Variants in ZNF777 observed in about 807,000 individuals in gnomAD.
ZNF777 encodes zinc finger protein 777.
Under a neutral mutation model 72.1 loss-of-function variants are expected in ZNF777, and 7 were observed. The ratio of observed to expected loss-of-function variants is 0.10; its 90% confidence interval spans 0.06 to 0.18. The LOEUF is 0.18. Among genes scored for constraint, ZNF777 ranks in the 10% least tolerant of loss-of-function variants. ZNF777 has a pLI of 1.00. For missense variants in ZNF777, 828 were observed against 1,128.6 expected, an observed-to-expected ratio of 0.73 and a Z score of 3.82; for synonymous variants, 545 against 483.5, an observed-to-expected ratio of 1.13 and a Z score of -1.67.
In ZNF777 at chr7:149,432,014, G is replaced by A. The variant is rs1799316691; in HGVS notation, c.2258C>T (p.Pro753Leu). The A allele has an allele frequency of 1.2e-6, 2 of 1,607,658 alleles. No homozygotes were observed. The highest frequency in any genetic ancestry group is 1.7e-6 in the Non-Finnish European group (2 of 1,178,964). ...VHSRERPHACPECGKSFIRKH... is the reference protein window; with the variant it reads ...VHSRERPHACLECGKSFIRKH... The stretch of plus-strand genomic sequence containing the variant: ...GCGGATGAAGCTCTTGCCGCACTCG[G>A]GGCAGGCGTGCGGCCGCTCGCGCGA... Residue 753 changes from proline (P) to leucine (L), a missense_variant, in exon 6 of 6, where the codon CCC becomes CTC. By Grantham distance (98) the Pro-to-Leu change is moderately conservative. Around this residue, in one of 12 missense-constraint regions of ZNF777, gnomAD observed 49 missense variants for 135.8 expected, o/e 0.36. Transcript: ENST00000247930.
Position 149,455,639 on chromosome 7 carries a change from G to A in ZNF777, c.384C>T (p.Pro128=), listed in dbSNP as rs200412668. ...TCTCAGGAGCTTCAGGGGAGTGAACGGGGGCTTCCTGGTGGTGGGGGGAGT... is the reference window on the plus strand; with the variant it reads ...TCTCAGGAGCTTCAGGGGAGTGAACAGGGGCTTCCTGGTGGTGGGGGGAGT... ...LSHSPHHQEA[P]VHSPEAPEKD... The change falls in exon 2 of 6, where the codon CCC becomes CCT. Residue 128 remains proline, a synonymous_variant. Transcript: ENST00000247930. The surrounding 1 kb of genome is among the most constrained non-coding windows in gnomAD (Gnocchi z 4.2). The A allele has an allele frequency of 3.8e-5, 60 of 1,577,848 alleles. No homozygotes were observed. The African/African-American group carries it at 6.0e-4, about 16-fold the overall frequency.
chr7:149,435,924 T>C (rs1799402418), intron 5 of ZNF777, among the ~76,000 whole-genome samples: 1 of 152,184 alleles, frequency 6.6e-6, no homozygotes, highest in African/African-American at 2.4e-5. Flanking sequence ...AGTCCAATAG[T>C]GAATTCAAAA....
chr7:149,435,224 G>T (rs536993602), intron 5 of ZNF777, among the ~76,000 whole-genome samples: 1 of 152,244 alleles, frequency 6.6e-6, no homozygotes, highest in East Asian at 1.9e-4. Context: ...AGGCTGGAGT[G>T]CAGTGATACA....
intron 5 of ZNF777, among the ~76,000 whole-genome samples, chr7:149,435,112 G>A (rs758965372): frequency 2.0e-5 from 3 of 152,126 alleles, no homozygotes; most frequent in Non-Finnish European, 4.4e-5. Context: ...AGACAGCATG[G>A]TATGTCAAAA....
At position 149,431,830 on chromosome 7, in the gene ZNF777, G is replaced by T; in HGVS notation, c.2442C>A (p.Cys814Ter). The T allele has an allele frequency of 6.2e-7, 1 of 1,603,270 alleles. No homozygotes were observed. The change falls in exon 6 of 6, where the codon TGC (cysteine) becomes TGA (stop). Residue 814 changes from cysteine to a stop codon, truncating the protein, a stop_gained. Coordinates refer to ENST00000247930, the MANE Select transcript of ZNF777 (RefSeq NM_015694.3). LOFTEE classifies it high-confidence loss of function. ...RPYPCTHCAKCFRYKQSLKYH... is the reference protein window; with the variant it reads ...RPYPCTHCAK ...ACTTGAGCGACTGCTTGTAGCGGAA[G>T]CACTTGGCGCAGTGCGTGCAGGGGT...
intron 4 of ZNF777, among the ~76,000 whole-genome samples, chr7:149,445,226 G>C (rs918557643): frequency 1.6e-4 from 24 of 152,012 alleles, no homozygotes; most frequent in Non-Finnish European, 7.4e-5. Flanking sequence ...TTTGTGTCAT[G>C]AATGCATTCA....
At chr7:149,459,182 C>A (rs111506188) in intron 1 of ZNF777, among the ~76,000 whole-genome samples, 1 of 152,110 alleles carries the variant, frequency 6.6e-6, no homozygotes, top group Non-Finnish European at 1.5e-5. Context: ...AGCTATATAT[C>A]CTGCCTCCTT....
intron 1 of ZNF777, among the ~76,000 whole-genome samples, chr7:149,458,964 A>G (rs1012867679): frequency 5.3e-5 from 8 of 152,250 alleles, no homozygotes; most frequent in Non-Finnish European, 8.8e-5. Flanking sequence ...TTCATGCCAC[A>G]TTAGCAGAAG....
intron 1 of ZNF777, among the ~76,000 whole-genome samples, chr7:149,458,808 G>A (rs576126108): frequency 6.6e-6 from 1 of 152,312 alleles, no homozygotes; most frequent in South Asian, 2.1e-4. Context: ...AGAGAGGGAG[G>A]GAGCTGTAAA....
intron 5 of ZNF777, among the ~76,000 whole-genome samples, chr7:149,435,363 G>T (rs575054173): frequency 2.6e-5 from 4 of 152,140 alleles, no homozygotes; most frequent in South Asian, 4.2e-4. Context: ...TAGAGATGGG[G>T]TCTTCCTATG....
intron 1 of ZNF777, chr7:149,459,724 G>A (rs1289556356): frequency 1.0e-6 from 1 of 985,144 alleles, no homozygotes; most frequent in Non-Finnish European, 1.2e-6. Flanking sequence ...TCTCCGTTCT[G>A]CGAAATGGGA....
At chr7:149,457,710 G>A (rs1015604577) in intron 1 of ZNF777, among the ~76,000 whole-genome samples, 4 of 152,140 alleles carry the variant, frequency 2.6e-5, no homozygotes, top group East Asian at 1.9e-4. Flanking sequence ...AGCCTCTGCC[G>A]CGAACCAGAC....
Position 149,451,007 on chromosome 7 carries a change from G to A in ZNF777, c.1079C>T (p.Pro360Leu). 1.2e-6 allele frequency: 2 copies of A among 1,613,468 alleles called. No individual in the cohort carries two copies. The highest frequency in any genetic ancestry group is 1.7e-6 in the Non-Finnish European group (2 of 1,179,810). ...DSEEGETPTDPSAAHDGIVIK... is the reference protein window; with the variant it reads ...DSEEGETPTDLSAAHDGIVIK... ...CACCCTTAGCCACTCACCAGCACTGGGATCTGTCGGCGTTTCGCCCTCCTC... is the reference window on the plus strand; with the variant it reads ...CACCCTTAGCCACTCACCAGCACTGAGATCTGTCGGCGTTTCGCCCTCCTC... Residue 360 changes from proline to leucine, a missense_variant, in exon 4 of 6, where the codon CCC (proline) becomes CTC (leucine). Physicochemically the swap from Pro to Leu is moderately conservative, Grantham distance 98 (BLOSUM62 -3). Around this residue, in one of 12 missense-constraint regions of ZNF777, gnomAD observed 73 missense variants for 90.6 expected, o/e 0.81. Transcript: ENST00000247930.
chr7:149,438,395 A>G (rs1055331522), intron 4 of ZNF777, among the ~76,000 whole-genome samples: 1 of 152,250 alleles, frequency 6.6e-6, no homozygotes, highest in African/African-American at 2.4e-5. Context: ...TCCCTAACAG[A>G]AGAACATTCA....
chr7:149,432,514 C>A lies in ZNF777; in HGVS notation c.1758G>T (p.Lys586Asn). The A allele has an allele frequency of 1.2e-6, 2 of 1,613,896 alleles. No individual in the cohort carries two copies. Among genetic ancestry groups the A allele is most frequent in the Non-Finnish European group, 1.7e-6 (2 of 1,179,878 alleles). ...TGCGCTGGTGCAGCGTGAGCTGTTGCTTGTGCCGGAAGCTGATCTCGCATT... is the reference window on the plus strand; with the variant it reads ...TGCGCTGGTGCAGCGTGAGCTGTTGATTGTGCCGGAAGCTGATCTCGCATT... ...CAECEISFRHKQQLTLHQRIH... is the reference protein window; with the variant it reads ...CAECEISFRHNQQLTLHQRIH... Residue 586 changes from lysine (K) to asparagine (N), a missense_variant, in exon 6 of 6, where the codon AAG becomes AAT. Lys to Asn is a moderately conservative substitution (Grantham distance 94). Coordinates refer to ENST00000247930, the MANE Select transcript of ZNF777 (RefSeq NM_015694.3).
At chr7:149,437,906 G>C (rs1449630048) in intron 4 of ZNF777, among the ~76,000 whole-genome samples, 1 of 147,182 alleles carries the variant, frequency 6.8e-6, no homozygotes, top group Non-Finnish European at 1.5e-5. Context: ...TTTAGACGGA[G>C]TCTCGCTCTG....
At chr7:149,440,083 G>A (rs1164112870) in intron 4 of ZNF777, among the ~76,000 whole-genome samples, 1 of 152,148 alleles carries the variant, frequency 6.6e-6, no homozygotes, top group Non-Finnish European at 1.5e-5. Flanking sequence ...CTGAACTTCT[G>A]AATTATATGC....
intron 1 of ZNF777, chr7:149,459,805 C>T (rs1585708080): frequency 1.0e-6 from 1 of 984,780 alleles, no homozygotes; most frequent in Non-Finnish European, 1.2e-6. Flanking sequence ...AACGTGCCGG[C>T]GGCTACCCCG....
At position 149,432,417 on chromosome 7, in the gene ZNF777, G is replaced by T. The variant is rs1799328005; in HGVS notation, c.1855C>A (p.Pro619Thr). 1 of 1,613,282 alleles carries T rather than the reference G, an allele frequency of 6.2e-7. No homozygotes were observed. The highest frequency in any genetic ancestry group is 1.3e-5 in the African/African-American group (1 of 74,946). ...CCAGAGCTGGGTGACTTGGGACGCG[G>T]CTTGAGCGCGTGCTTGGGGTTGAAC... ...PTFNPKHALK[P>T]RPKSPSSGSG... The change falls in exon 6 of 6, where the codon CCG becomes ACG. Residue 619 changes from proline (P) to threonine (T), a missense_variant. Physicochemically the swap from Pro to Thr is conservative, Grantham distance 38. Around this residue, in one of 12 missense-constraint regions of ZNF777, gnomAD observed 100 missense variants for 106.2 expected, o/e 0.94. Coordinates refer to ENST00000247930, the MANE Select transcript of ZNF777 (RefSeq NM_015694.3).
Sources: allele counts gnomAD v4.1 joint callset (sites outside exome capture counted in the v4.1 genomes callset), GRCh38; gene constraint gnomAD v4.1.1; regional missense constraint gnomAD v4.1.1; non-coding constraint Gnocchi (gnomAD v3.1); transcripts MANE v1.5; gene names NCBI Gene and HGNC (gene_info 2026-07-23, HGNC 2026-07-21).